Variants in ZEB2 observed in about 807,000 individuals in gnomAD.
ZEB2 encodes zinc finger E-box binding homeobox 2.
Under a neutral mutation model 99.9 loss-of-function variants are expected in ZEB2, and 6 were observed. That is an observed-to-expected ratio of 0.06 (90% confidence interval 0.03 to 0.12). The LOEUF is 0.12. Ranked by LOEUF, ZEB2 falls within the 10% of genes least tolerant of loss-of-function variation. The pLI is 1.00. For missense variants in ZEB2, 969 were observed against 1,502.8 expected (o/e 0.64, Z 5.87); for synonymous variants, 517 against 542.5 (o/e 0.95, Z 0.65).
chr2:144,438,676 T>A (rs1018675934), intron 2 of ZEB2, among the ~76,000 whole-genome samples: 1 of 152,196 alleles, frequency 6.6e-6, no homozygotes, highest in Non-Finnish European at 1.5e-5. Context: ...CAGATTTATC[T>A]TTGAAATCTC....
At chr2:144,425,381 C>T (rs957174973) in intron 3 of ZEB2, among the ~76,000 whole-genome samples, 1 of 152,180 alleles carries the variant, frequency 6.6e-6, no homozygotes, top group Non-Finnish European at 1.5e-5. Context: ...TTGGAATGCC[C>T]AGTTTGTACA....
intron 4 of ZEB2, among the ~76,000 whole-genome samples, chr2:144,408,956 A>T (rs935263923): frequency 6.6e-6 from 1 of 152,146 alleles, no homozygotes; most frequent in African/African-American, 2.4e-5. Flanking sequence ...TTTTCTGCCA[A>T]GTGACTGTAG....
At chr2:144,494,131 G>C (rs961386546) in intron 2 of ZEB2, 1 of 114,238 alleles carries the variant, frequency 8.8e-6, no homozygotes, top group Non-Finnish European at 1.6e-5. Flanking sequence ...CAGCCTGGGC[G>C]ACAGAGCGAG....
rs1705240322 is a variant in ZEB2 at position 144,520,010 on chromosome 2, G to A, written c.-141C>T. 1 of 454,382 alleles carries A rather than the reference G, an allele frequency of 2.2e-6. No homozygotes were observed. The highest frequency in any genetic ancestry group is 4.4e-6 in the Non-Finnish European group (1 of 226,790). The allele number at this position is 454,382 out of a possible 1,614,324, so 28.1% of individuals were successfully genotyped here. A position where few individuals can be genotyped will look rare whatever the true frequency, so the allele number is the denominator to read the frequency against. ...AAGCATGAAGAAGCCGCGAAGTGTG[G>A]GGGAGAAAAAGGTGGAAGCGAAGAA... On this transcript the variant is annotated 5_prime_UTR_variant, in exon 1 of 10. Transcript: ENST00000627532.
In ZEB2 at chr2:144,410,583, G is replaced by A. The variant is rs76338854; in HGVS notation, c.404-5559C>T. On this transcript the variant is annotated intron_variant, in intron 4 of 9. Transcript: ENST00000627532. Reference sequence around the variant, plus strand: ...CTTTCTCAAAGATACTTAAAAGTGGGCTTTGCTTAGTGTTTACAGGTAATG... The same window carrying A: ...CTTTCTCAAAGATACTTAAAAGTGGACTTTGCTTAGTGTTTACAGGTAATG... Among the ~76,000 whole-genome samples, 594 of 152,164 alleles carry A rather than the reference G, an allele frequency of 3.9e-3. 2 individuals carry two copies. The highest frequency in any genetic ancestry group is 6.3e-3 in the Non-Finnish European group (425 of 67,994).
In ZEB2 at chr2:144,384,617, T is replaced by TA. The variant is rs1299922702; in HGVS notation, c.*4833dup. On this transcript the variant is annotated 3_prime_UTR_variant, in exon 10 of 10. Transcript: ENST00000627532. The stretch of plus-strand genomic sequence containing the variant: ...TGGGAAAGGAGGTCTTTTTTTTTTT[T>TA]AACATGGATACAGGAAAAGAAAACT... The TA allele has an allele frequency of 6.6e-6, 1 of 151,594 alleles. No homozygotes were observed. The highest frequency in any genetic ancestry group is 1.9e-4 in the East Asian group (1 of 5,172). The allele number at this position is 151,594 out of a possible 1,614,324, so 9.4% of individuals were successfully genotyped here. A position where few individuals can be genotyped will look rare whatever the true frequency, so the allele number is the denominator to read the frequency against.
chr2:144,440,503 ATATATATATATATTTTTTTTTTT>A (rs1331517580), intron 2 of ZEB2, among the ~76,000 whole-genome samples: 1 of 39,076 alleles, frequency 2.6e-5, no homozygotes, highest in Non-Finnish European at 4.7e-5. Flanking sequence ...ATATATATAT[ATATATATATATATTTTTTTTTTT>A]TTTTTTTTTT....
intron 2 of ZEB2, among the ~76,000 whole-genome samples, chr2:144,488,558 C>CT (rs529777847): frequency 1.6e-4 from 23 of 147,912 alleles, no homozygotes; most frequent in East Asian, 2.0e-4. Flanking sequence ...AAATCCATGA[C>CT]TTTTTTTTTT....
At position 144,513,918 on chromosome 2, in the gene ZEB2, T is replaced by C. The variant is rs896139312; in HGVS notation, c.73+3360A>G. 14 of 1,477,634 alleles carry C rather than the reference T, an allele frequency of 9.5e-6. No homozygotes were observed. In the East Asian group the frequency reaches 2.7e-4, roughly 29 times the overall value. The allele number at this position is 1,477,634 out of a possible 1,614,324, so 91.5% of individuals were successfully genotyped here. On this transcript the variant is annotated intron_variant, in intron 2 of 9. Coordinates refer to ENST00000627532, the MANE Select transcript of ZEB2 (RefSeq NM_014795.4). Reference sequence around the variant, plus strand: ...GTCAGGCGACTGAGGATCATCTGACTGAACTTTCTTGAAACCGACACACAT... The same window carrying C: ...GTCAGGCGACTGAGGATCATCTGACCGAACTTTCTTGAAACCGACACACAT...
At chr2:144,441,163 A>ATGAG (rs1703911051) in intron 2 of ZEB2, among the ~76,000 whole-genome samples, 1 of 20,642 alleles carries the variant, frequency 4.8e-5, no homozygotes, top group African/African-American at 1.3e-4. Flanking sequence ...CTTTAGCTGC[A>ATGAG]CGAGAGAGAG....
chr2:144,512,904 C>G (rs1258505407), intron 2 of ZEB2: 15 of 1,287,216 alleles, frequency 1.2e-5, no homozygotes, highest in Non-Finnish European at 1.5e-5. Context: ...ACAACCTGCC[C>G]CAGTGCTTTG....
At chr2:144,470,308 G>C (rs1353458205) in intron 2 of ZEB2, 1 of 152,158 alleles carries the variant, frequency 6.6e-6, no homozygotes, top group East Asian at 1.9e-4. Context: ...GGTAGGAATT[G>C]CCAGGATGAA....
rs572719355 is a variant in ZEB2, at chr2:144,385,428, T to C, written c.*4023A>G. The C allele has an allele frequency of 5.3e-5, 8 of 152,270 alleles. No individual in the cohort carries two copies. The highest frequency in any genetic ancestry group is 6.8e-3 in the Middle Eastern group (2 of 294). The allele number at this position is 152,270 out of a possible 1,614,324, so 9.4% of individuals were successfully genotyped here. ...CCCATGTGAATTCTTTGGTGTTTTT[T>C]CCCCCTCTTTTTTTAGTGCTATGAT... is the stretch of plus-strand genomic sequence containing the variant. On this transcript the variant is annotated 3_prime_UTR_variant, in exon 10 of 10. Transcript: ENST00000627532.
chr2:144,513,763 T>C lies in ZEB2; in HGVS notation c.73+3515A>G, dbSNP rs1001081762. ...ACCGGTGGCAAGCAGCAGCAGGGCA[T>C]CTCCCGCTCCGAGTGCTCATTTCTG... On this transcript the variant is annotated intron_variant, in intron 2 of 9. Coordinates refer to ENST00000627532, the MANE Select transcript of ZEB2 (RefSeq NM_014795.4). The C allele has an allele frequency of 2.0e-6, 3 of 1,535,906 alleles. No homozygotes were observed. In the East Asian group the frequency reaches 7.3e-5, roughly 38 times the overall value.
chr2:144,498,680 A>T (rs955910502), intron 2 of ZEB2, among the ~76,000 whole-genome samples: 1 of 152,200 alleles, frequency 6.6e-6, no homozygotes, highest in Non-Finnish European at 1.5e-5. Context: ...AAACGATGGC[A>T]TGCCACTTGG....
intron 2 of ZEB2, chr2:144,511,849 C>T: frequency 7.8e-7 from 1 of 1,287,054 alleles, no homozygotes; most frequent in South Asian, 1.2e-5. Context: ...ATCATCCTTC[C>T]CTCTGCTCTG....
chr2:144,449,887 G>C (rs1304540007), intron 2 of ZEB2: 1 of 152,128 alleles, frequency 6.6e-6, no homozygotes, highest in Non-Finnish European at 1.5e-5. Flanking sequence ...CACACAACTC[G>C]GATTCAGAAA....
chr2:144,395,559 A>C (rs948382153), intron 9 of ZEB2, among the ~76,000 whole-genome samples: 1 of 152,022 alleles, frequency 6.6e-6, no homozygotes, highest in African/African-American at 2.4e-5. Flanking sequence ...AGTGGAGAAG[A>C]ATTGGAGATG....
chr2:144,399,106 T>C lies in ZEB2; in HGVS notation c.2081A>G (p.Gln694Arg). The C allele has an allele frequency of 6.2e-7, 1 of 1,614,154 alleles. No homozygotes were observed. The highest frequency in any genetic ancestry group is 8.5e-7 in the Non-Finnish European group (1 of 1,180,004). ...PQEFVKEWFE[Q>R]RKVYQYSNSR... ...ATTTGAGTACTGGTAGACTTTTCGTTGTTCAAACCATTCCTTCACAAATTC... is the reference window on the plus strand; with the variant it reads ...ATTTGAGTACTGGTAGACTTTTCGTCGTTCAAACCATTCCTTCACAAATTC... Residue 694 changes from glutamine to arginine, a missense_variant, in exon 8 of 10, where the codon CAA (glutamine) becomes CGA (arginine). Physicochemically the swap from Gln to Arg is conservative, Grantham distance 43 (BLOSUM62 1). Coordinates refer to ENST00000627532, the MANE Select transcript of ZEB2 (RefSeq NM_014795.4). The surrounding 1 kb of genome is among the most constrained non-coding windows in gnomAD (Gnocchi z 5.6).
Sources: gnomAD v4.1 joint callset for allele counts (sites outside exome capture counted in the v4.1 genomes callset) on GRCh38, gnomAD v4.1.1 for gene constraint, Gnocchi (gnomAD v3.1) non-coding constraint, MANE v1.5 for transcripts, NCBI Gene and HGNC (gene_info 2026-07-23, HGNC 2026-07-21) for gene names.